PLXNA2: variants seen among roughly 807,000 people sequenced by gnomAD.
PLXNA2 encodes the protein plexin-A2.
PLXNA2 carries 91 observed loss-of-function variants against 193.5 expected under a neutral mutation model. That is an observed-to-expected ratio of 0.47 (90% CI 0.40 to 0.56). PLXNA2 has a LOEUF of 0.56. Ranked by LOEUF, PLXNA2 falls within the 20% of genes least tolerant of loss-of-function variation. PLXNA2 has a pLI of 0.00. For missense variants in PLXNA2, 1,995 were observed against 2,503.2 expected, an observed-to-expected ratio of 0.80 and a Z score of 4.33; for synonymous variants, 997 against 1,027.3, an observed-to-expected ratio of 0.97 and a Z score of 0.56.
At chr1:208,065,904 T>G (rs534048756) in intron 12 of PLXNA2, among the ~76,000 whole-genome samples, 1 of 152,344 alleles carries the variant, frequency 6.6e-6, no homozygotes, top group South Asian at 2.1e-4. Context: ...TGGCCATTTC[T>G]TCTTTCCCTG....
At position 208,023,023 on chromosome 1, in the gene PLXNA2, C is replaced by T. The variant is rs1166584382; in HGVS notation, c.*4220G>A. The T allele has an allele frequency of 6.6e-6, 1 of 152,212 alleles. No homozygotes were observed. Among genetic ancestry groups the T allele is most frequent in the African/African-American group, 2.4e-5 (1 of 41,452 alleles). 9.4% of individuals were successfully genotyped at this position (152,212 alleles called of 1,614,324 possible). A position where few individuals can be genotyped will look rare whatever the true frequency, so the allele number is the denominator to read the frequency against. On this transcript the variant is annotated 3_prime_UTR_variant, in exon 32 of 32. Coordinates refer to ENST00000367033, the MANE Select transcript of PLXNA2 (RefSeq NM_025179.4). Reference sequence around the variant, plus strand: ...CTCCAGATACTAAAACGTCACACTTCAGGGAAACTAGGGAAGAGAGACTGA... The same window carrying T: ...CTCCAGATACTAAAACGTCACACTTTAGGGAAACTAGGGAAGAGAGACTGA...
intron 3 of PLXNA2, among the ~76,000 whole-genome samples, chr1:208,150,950 A>T (rs971693304): frequency 1.3e-5 from 2 of 152,232 alleles, no homozygotes; most frequent in Non-Finnish European, 2.9e-5. Context: ...TGGGTGATTC[A>T]GGAACACGGG....
At chr1:208,113,638 C>A (rs1291960056) in intron 4 of PLXNA2, among the ~76,000 whole-genome samples, 1 of 145,536 alleles carries the variant, frequency 6.9e-6, no homozygotes. Context: ...AAGCCTCAGG[C>A]TCCCGGATTC....
chr1:208,179,857 C>T (rs1315376432), intron 3 of PLXNA2, among the ~76,000 whole-genome samples: 5 of 152,180 alleles, frequency 3.3e-5, no homozygotes, highest in African/African-American at 1.2e-4. Flanking sequence ...CTTCCTTCTA[C>T]AGTATCCCCT....
At position 208,044,805 on chromosome 1, in the gene PLXNA2, G is replaced by A. The variant is rs1393310029; in HGVS notation, c.3640-63C>T. ...ACAGGTGTAGAGCCCGGGCATGCCA[G>A]CAGATCCTTACAGTGCGAGGAAGGA... On this transcript the variant is annotated intron_variant, in intron 19 of 31. Coordinates refer to ENST00000367033, the MANE Select transcript of PLXNA2 (RefSeq NM_025179.4). The surrounding 1 kb of genome is among the most constrained non-coding windows in gnomAD (Gnocchi z 4.9). The A allele has an allele frequency of 4.4e-5, 59 of 1,329,642 alleles. No individual in the cohort carries two copies. Among genetic ancestry groups the A allele is most frequent in the Admixed American group, 1.5e-4 (8 of 53,064 alleles). 82.4% of individuals were successfully genotyped at this position (1,329,642 alleles called of 1,614,324 possible).
At chr1:208,054,386 G>C (rs889106204) in intron 14 of PLXNA2, 35 bp downstream of exon 14, 2 of 1,429,486 alleles carry the variant, frequency 1.4e-6, no homozygotes, top group African/African-American at 1.4e-5. Flanking sequence ...TCTCCTCCCT[G>C]GGCACCTGCA....
At chr1:208,075,527 T>C (rs934357132) in intron 12 of PLXNA2, among the ~76,000 whole-genome samples, 3 of 152,326 alleles carry the variant, frequency 2.0e-5, no homozygotes, top group African/African-American at 4.8e-5. Flanking sequence ...CCAGTCACTA[T>C]TGTTCTTGTC....
chr1:208,027,356 A>T lies in PLXNA2; in HGVS notation c.5590-18T>A. On this transcript the variant is annotated intron_variant, in intron 31 of 31. Coordinates refer to ENST00000367033, the MANE Select transcript of PLXNA2 (RefSeq NM_025179.4). The stretch of plus-strand genomic sequence containing the variant: ...CCGATGAGCTGAGGAGCAAAAACAA[A>T]GGCAGGAAGACTTCAGGACTCAGAA... 6.2e-7 allele frequency: 1 copy of T among 1,606,516 alleles called. No homozygotes were observed. The highest frequency in any genetic ancestry group is 8.5e-7 in the Non-Finnish European group (1 of 1,176,368).
Position 208,042,127 on chromosome 1 carries a change from G to A in PLXNA2, c.4257C>T (p.Asn1419=). ...GGAGTAGCAGCTTGGGGTGGTTCTT[G>A]TTCTCCAGGTTCTTATCGATGAGGT... ...LSDLIDKNLE[N]KNHPKLLLRR... is the part of the protein sequence containing the mutation. The change falls in exon 22 of 32, where the codon AAC becomes AAT. Residue 1419 remains asparagine (N), a synonymous_variant. Coordinates refer to ENST00000367033, the MANE Select transcript of PLXNA2 (RefSeq NM_025179.4). 2 of 1,614,158 alleles carry A rather than the reference G, an allele frequency of 1.2e-6. No individual in the cohort carries two copies. The highest frequency in any genetic ancestry group is 2.2e-5 in the East Asian group (1 of 44,868).
At chr1:208,240,101 T>C (rs1671998519) in intron 1 of PLXNA2, among the ~76,000 whole-genome samples, 1 of 152,210 alleles carries the variant, frequency 6.6e-6, no homozygotes, top group South Asian at 2.1e-4. Context: ...CAGCCATTTC[T>C]TTCAGCTCTG....
intron 8 of PLXNA2, among the ~76,000 whole-genome samples, chr1:208,093,420 A>C (rs1254740201): frequency 6.6e-6 from 1 of 152,196 alleles, no homozygotes; most frequent in East Asian, 1.9e-4. Flanking sequence ...CACACTGAGT[A>C]AGTCACTTCA....
intron 1 of PLXNA2, among the ~76,000 whole-genome samples, chr1:208,237,657 A>C (rs1161718954): frequency 6.6e-6 from 1 of 152,150 alleles, no homozygotes; most frequent in Non-Finnish European, 1.5e-5. Context: ...GGAAACTGTG[A>C]AGTTCTCCAG....
At chr1:208,192,444 C>A (rs183847827) in intron 3 of PLXNA2, among the ~76,000 whole-genome samples, 189 of 150,618 alleles carry the variant, frequency 1.3e-3, no homozygotes, top group African/African-American at 4.3e-3. Flanking sequence ...GCCATTTGAA[C>A]CTTTTTTTTT....
intron 12 of PLXNA2, 59 bp downstream of exon 12, chr1:208,079,201 A>T: frequency 7.0e-7 from 1 of 1,437,202 alleles, no homozygotes; most frequent in Non-Finnish European, 9.6e-7. Context: ...CTCCTCTCCC[A>T]CTGTCTTGGG....
At chr1:208,176,965 C>T (rs894429802) in intron 3 of PLXNA2, among the ~76,000 whole-genome samples, 2 of 152,178 alleles carry the variant, frequency 1.3e-5, no homozygotes, top group African/African-American at 2.4e-5. Context: ...GCACAGACTG[C>T]TTTGGCTGCT....
chr1:208,143,372 G>A (rs1156572396), intron 3 of PLXNA2, among the ~76,000 whole-genome samples: 1 of 152,184 alleles, frequency 6.6e-6, no homozygotes, highest in African/African-American at 2.4e-5. Flanking sequence ...TGATTCAGTG[G>A]GCATGAGGGC....
intron 9 of PLXNA2, among the ~76,000 whole-genome samples, chr1:208,089,994 A>G (rs1219000661): frequency 6.6e-6 from 1 of 152,156 alleles, no homozygotes; most frequent in Admixed American, 6.5e-5. Flanking sequence ...CTTTGGACAG[A>G]AAAGAGGGGG....
intron 3 of PLXNA2, among the ~76,000 whole-genome samples, chr1:208,160,062 C>T (rs528941578): frequency 1.2e-4 from 18 of 152,212 alleles, no homozygotes; most frequent in Non-Finnish European, 1.9e-4. Flanking sequence ...CGGCAGCTCC[C>T]TCAGCTCTGA....
intron 4 of PLXNA2, among the ~76,000 whole-genome samples, chr1:208,105,481 G>GT (rs1165028173): frequency 6.6e-6 from 1 of 152,168 alleles, no homozygotes; most frequent in African/African-American, 2.4e-5. Flanking sequence ...ATTTCCCACA[G>GT]TTTCCCTAAC....
Sources: gnomAD v4.1 joint callset for allele counts (sites outside exome capture counted in the v4.1 genomes callset) on GRCh38, gnomAD v4.1.1 for gene constraint, Gnocchi (gnomAD v3.1) non-coding constraint, MANE v1.5 for transcripts, NCBI Gene and HGNC (gene_info 2026-07-23, HGNC 2026-07-21) for gene names.